The following DNAJC16 variants were observed in gnomAD, a reference collection of about 807,000 sequenced individuals.
DNAJC16 encodes the protein DnaJ heat shock protein family (Hsp40) member C16.
DNAJC16 carries 76 observed loss-of-function variants against 92.7 expected under a neutral mutation model. The observed-to-expected ratio is 0.82, with a 90% CI of 0.68 to 0.99. The LOEUF (loss-of-function observed/expected upper bound fraction) is 0.99, where lower values mean the gene tolerates loss of function less well. Ranked by LOEUF, DNAJC16 falls within the 50% of genes least tolerant of loss-of-function variation. DNAJC16 has a pLI of 0.00. For synonymous variants in DNAJC16, 328 were observed against 358.7 expected (o/e 0.91, Z 0.97); for missense variants, 869 against 942.4 (o/e 0.92, Z 1.02).
At chr1:15,527,965 A>T (rs1570893359) in intron 1 of DNAJC16, among the ~76,000 whole-genome samples, 1 of 152,214 alleles carries the variant, frequency 6.6e-6, no homozygotes. Context: ...CTGTTCATTA[A>T]CCAGCCAGGA....
At chr1:15,537,001 C>T (rs528813030) in intron 4 of DNAJC16, among the ~76,000 whole-genome samples, 187 bp downstream of exon 4, 5 of 152,218 alleles carry the variant, frequency 3.3e-5, no homozygotes, top group African/African-American at 1.2e-4. Flanking sequence ...CAGGCACCCA[C>T]CATCACGCCC....
At chr1:15,536,222 C>T (rs1043426757) in intron 3 of DNAJC16, among the ~76,000 whole-genome samples, 4 of 151,664 alleles carry the variant, frequency 2.6e-5, no homozygotes, top group East Asian at 1.9e-4. Flanking sequence ...TACAGGCATG[C>T]GCCACCACTC....
chr1:15,527,904 T>C (rs1306742195), intron 1 of DNAJC16, among the ~76,000 whole-genome samples: 4 of 152,312 alleles, frequency 2.6e-5, no homozygotes, highest in Non-Finnish European at 4.4e-5. Flanking sequence ...TTGTAGGGTA[T>C]AACAGCAATC....
intron 7 of DNAJC16, among the ~76,000 whole-genome samples, chr1:15,553,268 C>T (rs1006956217): frequency 6.6e-6 from 1 of 150,854 alleles, no homozygotes; most frequent in Non-Finnish European, 1.5e-5. Flanking sequence ...GAGTTTCACT[C>T]TTGTTGCCCA....
chr1:15,555,204 C>T (rs1406085790), intron 7 of DNAJC16, among the ~76,000 whole-genome samples: 2 of 150,418 alleles, frequency 1.3e-5, no homozygotes, highest in African/African-American at 2.4e-5. Context: ...GGTAAAACCC[C>T]GTCTCTACTA....
At chr1:15,553,145 T>C (rs556701206) in intron 7 of DNAJC16, among the ~76,000 whole-genome samples, 9 of 152,248 alleles carry the variant, frequency 5.9e-5, no homozygotes, top group African/African-American at 2.2e-4. Context: ...GTTATTTATA[T>C]GTTCATCTCT....
intron 4 of DNAJC16, among the ~76,000 whole-genome samples, chr1:15,537,837 C>T (rs148081965): frequency 4.4e-4 from 67 of 152,174 alleles, no homozygotes; most frequent in African/African-American, 1.6e-3. Flanking sequence ...TGGGTTGGAC[C>T]CAGGAGTCTG....
chr1:15,544,157 C>CACACACACACACACACACACACACACAA (rs1638226042), intron 4 of DNAJC16, among the ~76,000 whole-genome samples: 1 of 74,128 alleles, frequency 1.3e-5, no homozygotes, highest in African/African-American at 4.5e-5. Context: ...TGCATACACA[C>CACACACACACACACACACACACACACAA]ACACACACAC....
At chr1:15,539,402 C>T (rs1444919826) in intron 4 of DNAJC16, among the ~76,000 whole-genome samples, 10 of 151,770 alleles carry the variant, frequency 6.6e-5, no homozygotes, top group Non-Finnish European at 1.0e-4. Flanking sequence ...CCCATCACCA[C>T]GCCCGGCTAA....
At chr1:15,544,710 TATTA>T (rs931122254) in intron 5 of DNAJC16, 127 bp downstream of exon 5, 48 of 832,608 alleles carry the variant, frequency 5.8e-5, no homozygotes, top group South Asian at 9.0e-5. Flanking sequence ...GCATGACACT[TATTA>T]ATTAATTAAT....
At chr1:15,537,070 C>T (rs186338760) in intron 4 of DNAJC16, among the ~76,000 whole-genome samples, 67 of 152,334 alleles carry the variant, frequency 4.4e-4, no homozygotes, top group African/African-American at 1.6e-3. Flanking sequence ...AGGCCGGCTT[C>T]AAACTCCTGA....
chr1:15,529,375 C>A, intron 2 of DNAJC16, 103 bp downstream of exon 2: 1 of 1,173,626 alleles, frequency 8.5e-7, no homozygotes, highest in Non-Finnish European at 1.2e-6. Flanking sequence ...TTTCTATGTT[C>A]AATATATATA....
rs1445030345 is a variant in DNAJC16 at position 15,549,184 on chromosome 1, G to A, written c.1023+756G>A. 2.0e-5 allele frequency among the ~76,000 whole-genome samples: 3 copies of A among 152,306 alleles called. No individual in the cohort carries two copies. In the East Asian group the frequency reaches 5.8e-4, roughly 29 times the overall value. On this transcript the variant is annotated intron_variant, in intron 7 of 14. Coordinates refer to ENST00000375847, the MANE Select transcript of DNAJC16 (RefSeq NM_015291.4). ...ACCTGAAACCATGGAAACCAGATGGGAAAGTGGACCGTAAAGAAAGAAGAG... is the reference window on the plus strand; with the variant it reads ...ACCTGAAACCATGGAAACCAGATGGAAAAGTGGACCGTAAAGAAAGAAGAG...
Position 15,546,805 on chromosome 1 carries a change from G to T in DNAJC16, c.798G>T (p.Trp266Cys). 6.2e-7 allele frequency: 1 copy of T among 1,613,640 alleles called. No individual in the cohort carries two copies. The highest frequency in any genetic ancestry group is 8.5e-7 in the Non-Finnish European group (1 of 1,179,844). ...ATTACGTCAGATTCCTCTCTGGCTG[G>T]CAGCAAGAGAATAAGCCTCATGTCC... ...NKNYVRFLSG[W>C]QQENKPHVLL... is the part of the protein sequence containing the mutation. The change falls in exon 6 of 15, where the codon TGG becomes TGT. Residue 266 changes from tryptophan (W) to cysteine (C), a missense_variant. Coordinates refer to ENST00000375847, the MANE Select transcript of DNAJC16 (RefSeq NM_015291.4).
At chr1:15,566,300 G>A in intron 13 of DNAJC16, 120 bp downstream of exon 13, 1 of 790,426 alleles carries the variant, frequency 1.3e-6, no homozygotes, top group Non-Finnish European at 2.0e-6. Flanking sequence ...CTCCTCCCAT[G>A]TAAACTGTGG....
At chr1:15,528,844 A>C (rs7536810) in intron 1 of DNAJC16, among the ~76,000 whole-genome samples, 88,754 of 151,534 alleles carry the variant, frequency 0.59, 26,610 homozygotes, top group African/African-American at 0.7. Context: ...TTTTCTAGTC[A>C]AAGTGTTCTG....
chr1:15,528,415 C>G (rs1026739307), intron 1 of DNAJC16, among the ~76,000 whole-genome samples: 2 of 147,802 alleles, frequency 1.4e-5, no homozygotes, highest in Non-Finnish European at 3.0e-5. Context: ...GCCTGGGCAA[C>G]GAGTGAAACT....
At chr1:15,552,043 T>TAAA (rs1638456356) in intron 7 of DNAJC16, among the ~76,000 whole-genome samples, 3 of 130,106 alleles carry the variant, frequency 2.3e-5, no homozygotes, top group South Asian at 2.3e-4. Context: ...AAAAAAAAAT[T>TAAA]TTTTTTGTTT....
In DNAJC16 at chr1:15,563,967, G is replaced by A. The variant is rs1638751620; in HGVS notation, c.1377G>A (p.Val459=). ...ILERRNTAGR[V]VYKTLEDPWI... is the part of the protein sequence containing the mutation. ...AAAGGCGCAACACAGCAGGAAGGGT[G>A]GTGTATAAAACCCTGGAAGACCCTT... The change falls in exon 10 of 15, where the codon GTG becomes GTA. Residue 459 remains valine (V), a synonymous_variant. Transcript: ENST00000375847. 1.9e-6 allele frequency: 3 copies of A among 1,614,022 alleles called. No individual in the cohort carries two copies. The highest frequency in any genetic ancestry group is 1.7e-6 in the Non-Finnish European group (2 of 1,180,014).
Sources: allele counts gnomAD v4.1 joint callset (sites outside exome capture counted in the v4.1 genomes callset), GRCh38; gene constraint gnomAD v4.1.1; transcripts MANE v1.5; gene names NCBI Gene and HGNC (gene_info 2026-07-23, HGNC 2026-07-21).